The following CEPT1 variants were observed in gnomAD, a reference collection of about 807,000 sequenced individuals.
The protein encoded by CEPT1 is choline/ethanolaminephosphotransferase 1.
CEPT1 carries 7 observed loss-of-function variants against 42.6 expected under a neutral mutation model. The ratio of observed to expected loss-of-function variants is 0.16; its 90% CI spans 0.09 to 0.31. The LOEUF is 0.31. Among genes scored for constraint, CEPT1 ranks in the 10% least tolerant of loss-of-function variants. The pLI is 1.00. For missense variants in CEPT1, 306 were observed against 502.1 expected (o/e 0.61, Z 3.73); for synonymous variants, 171 against 171.9 (o/e 0.99, Z 0.04).
At chr1:111,177,240 G>A (rs906973134) in intron 5 of CEPT1, among the ~76,000 whole-genome samples, 5 of 152,150 alleles carry the variant, frequency 3.3e-5, no homozygotes, top group South Asian at 2.1e-4. Flanking sequence ...GTGTACTTAC[G>A]TGACAGGATA....
At chr1:111,183,089 T>C (rs1657071345) in intron 7 of CEPT1, 132 bp downstream of exon 7, 3 of 863,102 alleles carry the variant, frequency 3.5e-6, no homozygotes, top group Middle Eastern at 3.6e-4. Context: ...TCTCTTGATA[T>C]CAACATGGGA....
In CEPT1 at chr1:111,148,069, C is replaced by G. The variant is rs1453078680; in HGVS notation, c.339+16C>G. ...TACAGAGCAGGTAAGAGTTTCTTAA[C>G]AGATCTCAACATTTGCTATATACCA... On this transcript the variant is annotated intron_variant, in intron 2 of 8. Coordinates refer to ENST00000357172, the MANE Select transcript of CEPT1 (RefSeq NM_006090.5). 2 of 1,587,946 alleles carry G rather than the reference C, an allele frequency of 1.3e-6. No homozygotes were observed. The highest frequency in any genetic ancestry group is 1.7e-6 in the Non-Finnish European group (2 of 1,158,062).
chr1:111,173,374 A>G (rs946373782), intron 4 of CEPT1: 1 of 152,154 alleles, frequency 6.6e-6, no homozygotes, highest in Non-Finnish European at 1.5e-5. Flanking sequence ...TTTAAAAAAC[A>G]TTCTTGGGCA....
At chr1:111,155,060 G>A (rs1655488756) in intron 2 of CEPT1, among the ~76,000 whole-genome samples, 2 of 152,142 alleles carry the variant, frequency 1.3e-5, no homozygotes, top group African/African-American at 2.4e-5. Context: ...AAGAATTGGT[G>A]TAGTTCTTTA....
intron 4 of CEPT1, among the ~76,000 whole-genome samples, chr1:111,166,422 A>G (rs1656148753): frequency 6.6e-6 from 1 of 152,224 alleles, no homozygotes; most frequent in African/African-American, 2.4e-5. Flanking sequence ...AATCCAATGT[A>G]GTAGAGTATT....
At chr1:111,174,292 C>T (rs2101375259) in intron 4 of CEPT1, among the ~76,000 whole-genome samples, 1 of 152,086 alleles carries the variant, frequency 6.6e-6, no homozygotes, top group East Asian at 1.9e-4. Context: ...TGGCTGCTTT[C>T]AGTATCTTCT....
At chr1:111,151,417 C>T (rs1655270975) in intron 2 of CEPT1, among the ~76,000 whole-genome samples, 2 of 152,200 alleles carry the variant, frequency 1.3e-5, no homozygotes, top group South Asian at 2.1e-4. Flanking sequence ...CCACCACACC[C>T]GGCCAGCTTG....
intron 8 of CEPT1, 139 bp from the exon 9 acceptor site, chr1:111,184,052 A>C (rs1657128027): frequency 2.6e-5 from 23 of 900,428 alleles, no homozygotes; most frequent in Middle Eastern, 2.2e-4. Flanking sequence ...TTGTATGTGA[A>C]GGAAAGATTG....
chr1:111,145,089 C>T (rs1361571274), intron 1 of CEPT1, among the ~76,000 whole-genome samples: 2 of 151,994 alleles, frequency 1.3e-5, no homozygotes, highest in South Asian at 2.1e-4. Context: ...GATCTCGGCT[C>T]ACTGCAACCT....
intron 4 of CEPT1, among the ~76,000 whole-genome samples, chr1:111,174,418 T>C (rs1041911914): frequency 6.6e-6 from 1 of 152,090 alleles, no homozygotes; most frequent in Non-Finnish European, 1.5e-5. Flanking sequence ...TAAAGAACAG[T>C]AAGTTTTACA....
chr1:111,178,166 G>C (rs1006775124), intron 5 of CEPT1: 4 of 152,038 alleles, frequency 2.6e-5, no homozygotes, highest in Non-Finnish European at 5.9e-5. Context: ...ATTTACTTAG[G>C]GTTCAGGTAT....
At chr1:111,174,002 C>T (rs773136513) in intron 4 of CEPT1, among the ~76,000 whole-genome samples, 10 of 151,924 alleles carry the variant, frequency 6.6e-5, no homozygotes, top group Non-Finnish European at 1.2e-4. Context: ...TAGTGAATAA[C>T]CTTGTACAAA....
chr1:111,172,355 ACT>A lies in CEPT1; in HGVS notation c.630-2523_630-2522del, dbSNP rs767406510. 1.2e-3 allele frequency among the ~76,000 whole-genome samples: 183 copies of A among 152,114 alleles called. 2 individuals carry two copies. The highest frequency in any genetic ancestry group is 3.5e-4 in the Non-Finnish European group (24 of 68,028). On this transcript the variant is annotated intron_variant, in intron 4 of 8. Coordinates refer to ENST00000357172, the MANE Select transcript of CEPT1 (RefSeq NM_006090.5). Reference sequence around the variant, plus strand: ...AGTCCCAACACTTGGGAATATTACCACTGACGATTCTCCATTTTTAAAATAAT... The same window carrying A: ...AGTCCCAACACTTGGGAATATTACCAGACGATTCTCCATTTTTAAAATAAT...
Position 111,182,890 on chromosome 1 carries a change from A to G in CEPT1, c.938A>G (p.Glu313Gly). ...IYKKSAVQLF[E>G]KHPCLYILTF... ...AAGAAATCTGCAGTTCAGCTTTTTGAAAAGCATCCCTGTCTTTATATACTG... is the reference window on the plus strand; with the variant it reads ...AAGAAATCTGCAGTTCAGCTTTTTGGAAAGCATCCCTGTCTTTATATACTG... The change falls in exon 7 of 9, where the codon GAA becomes GGA. Residue 313 changes from glutamate (E) to glycine (G), a missense_variant. Coordinates refer to ENST00000357172, the MANE Select transcript of CEPT1 (RefSeq NM_006090.5). 1.2e-6 allele frequency: 2 copies of G among 1,613,870 alleles called. No individual in the cohort carries two copies. The highest frequency in any genetic ancestry group is 1.7e-6 in the Non-Finnish European group (2 of 1,179,788).
intron 5 of CEPT1, 53 bp from the exon 6 acceptor site, chr1:111,182,134 T>G: frequency 7.1e-7 from 1 of 1,406,624 alleles, no homozygotes; most frequent in South Asian, 1.4e-5. Context: ...TAGACTGTTT[T>G]CTTATTTTAG....
At chr1:111,153,429 C>T (rs1655393124) in intron 2 of CEPT1, among the ~76,000 whole-genome samples, 1 of 152,136 alleles carries the variant, frequency 6.6e-6, no homozygotes. Context: ...GATAATCCAC[C>T]TGCCTCAGCC....
rs111588460 is a variant in CEPT1 at position 111,155,185 on chromosome 1, A to G, written c.340-4195A>G. Reference sequence around the variant, plus strand: ...TGTTATTAGTCTGTTAAGGTTTTCTATTTCTTTTGGTTCAATCTTTATAGG... The same window carrying G: ...TGTTATTAGTCTGTTAAGGTTTTCTGTTTCTTTTGGTTCAATCTTTATAGG... On this transcript the variant is annotated intron_variant, in intron 2 of 8. Coordinates refer to ENST00000357172, the MANE Select transcript of CEPT1 (RefSeq NM_006090.5). Among the ~76,000 whole-genome samples the G allele has an allele frequency of 7.0e-3, 1,062 of 152,096 alleles. 14 individuals carry two copies. Among genetic ancestry groups the G allele is most frequent in the African/African-American group, 0.021 (883 of 41,512 alleles).
chr1:111,167,238 C>G, intron 4 of CEPT1: 2 of 985,078 alleles, frequency 2.0e-6, no homozygotes, highest in Non-Finnish European at 2.4e-6. Context: ...GGTGTGAATT[C>G]AATAAAGACA....
At position 111,147,639 on chromosome 1, in the gene CEPT1, T is replaced by C; in HGVS notation, c.-73-3T>C. The C allele has an allele frequency of 1.1e-6, 1 of 948,506 alleles. No homozygotes were observed. The highest frequency in any genetic ancestry group is 1.5e-6 in the Non-Finnish European group (1 of 650,584). 58.8% of individuals were successfully genotyped at this position (948,506 alleles called of 1,614,324 possible). On this transcript the variant is annotated splice_region_variant and splice_polypyrimidine_tract_variant and intron_variant, in intron 1 of 8. Transcript: ENST00000357172. ...TTAATTTTTATTTTATTTTATTTTT[T>C]AGGTAAGCACCAGCCACAAAAACCT...
Sources: allele counts gnomAD v4.1 joint callset (sites outside exome capture counted in the v4.1 genomes callset), GRCh38; gene constraint gnomAD v4.1.1; transcripts MANE v1.5; gene names NCBI Gene and HGNC (gene_info 2026-07-23, HGNC 2026-07-21).